Variants in MRE11 observed in about 807,000 individuals in gnomAD.
MRE11 encodes MRE11 double strand break repair nuclease.
MRE11 carries 62 observed loss-of-function variants against 91.7 expected under a neutral mutation model. The observed-to-expected ratio is 0.68, with a 90% CI of 0.55 to 0.84. MRE11 has a LOEUF of 0.84. Among genes scored for constraint, MRE11 ranks in the 40% least tolerant of loss-of-function variants. The pLI is 0.00. For missense variants in MRE11, 796 were observed against 852.9 expected, an observed-to-expected ratio of 0.93 and a Z score of 0.83; for synonymous variants, 273 against 271.4, an observed-to-expected ratio of 1.01 and a Z score of -0.06.
chr11:94,459,466 G>T lies in MRE11; in HGVS notation c.1442C>A (p.Thr481Lys), dbSNP rs137852762. 3.7e-6 allele frequency: 6 copies of T among 1,613,976 alleles called. No homozygotes were observed. The highest frequency in any genetic ancestry group is 1.1e-5 in the South Asian group (1 of 91,084). Residue 481 changes from threonine (T) to lysine (K), a missense_variant, in exon 13 of 20, where the codon ACA becomes AAA. Physicochemically the swap from Thr to Lys is moderately conservative, Grantham distance 78 (BLOSUM62 -1). Transcript: ENST00000323929. ...ATGACGTTCTTTAAGAAATCGCTGT[G>T]TTTTTTCCAACTGGTATTTCACTAA... ...EELVKYQLEKTQRFLKERHID... is the reference protein window; with the variant it reads ...EELVKYQLEKKQRFLKERHID...
Position 94,416,918 on chromosome 11 carries a change from T to A in MRE11, c.*3207A>T, listed in dbSNP as rs7943252. On this transcript the variant is annotated 3_prime_UTR_variant, in exon 20 of 20. Coordinates refer to ENST00000323929, the MANE Select transcript of MRE11 (RefSeq NM_005591.4). ...ACAGATACAAAAAGGACATCAGATT[T>A]CTTTGGGGGAAAGTCGCTTTTAAAT... 150,267 of 151,320 alleles carry A rather than the reference T, an allele frequency of 0.99. 74,607 individuals are homozygous for A. The highest frequency in any genetic ancestry group is 1 in the Middle Eastern group (288 of 288). The allele number at this position is 151,320 out of a possible 1,614,324, so 9.4% of individuals were successfully genotyped here.
At chr11:94,461,222 G>A (rs1169153800) in intron 11 of MRE11, among the ~76,000 whole-genome samples, 186 bp from the exon 12 acceptor site, 1 of 152,178 alleles carries the variant, frequency 6.6e-6, no homozygotes, top group Non-Finnish European at 1.5e-5. Context: ...CCCACAGTCA[G>A]TATTTCTCGT....
chr11:94,472,007 G>A (rs1946729666), intron 7 of MRE11, among the ~76,000 whole-genome samples: 1 of 151,986 alleles, frequency 6.6e-6, no homozygotes, highest in Non-Finnish European at 1.5e-5. Context: ...TCTATATTTG[G>A]AGGAAGATCA....
chr11:94,442,058 A>AGTCATGTG (rs1945796231), intron 16 of MRE11, among the ~76,000 whole-genome samples: 1 of 151,750 alleles, frequency 6.6e-6, no homozygotes, highest in South Asian at 2.1e-4. Flanking sequence ...AAAATACAAG[A>AGTCATGTG]GTCATGTGAG....
chr11:94,487,201 T>A (rs543154679), intron 3 of MRE11, among the ~76,000 whole-genome samples: 3 of 152,100 alleles, frequency 2.0e-5, no homozygotes, highest in Admixed American at 6.5e-5. Context: ...AATATGAACA[T>A]ATTTAACACT....
chr11:94,503,583 G>A, the MRE11 span, among the ~76,000 whole-genome samples: 3 of 151,918 alleles, frequency 2.0e-5, no homozygotes, highest in East Asian at 1.9e-4. Context: ...CTAGCTACTC[G>A]GGAGGCTGAG....
At chr11:94,503,109 A>G in the MRE11 span, among the ~76,000 whole-genome samples, 1 of 152,168 alleles carries the variant, frequency 6.6e-6, no homozygotes, top group Non-Finnish European at 1.5e-5. Context: ...TTTTTTATCT[A>G]TAGGCACAAC....
At chr11:94,501,586 T>C in the MRE11 span, among the ~76,000 whole-genome samples, 7 of 152,136 alleles carry the variant, frequency 4.6e-5, no homozygotes, top group South Asian at 1.4e-3. Context: ...CTGGATTTAG[T>C]CACATTTCAA....
intron 9 of MRE11, among the ~76,000 whole-genome samples, chr11:94,469,788 T>C (rs1260442776): frequency 6.6e-6 from 1 of 152,192 alleles, no homozygotes; most frequent in South Asian, 2.1e-4. Context: ...ATAATTATTA[T>C]CATTGTTACT....
intron 16 of MRE11, among the ~76,000 whole-genome samples, chr11:94,440,097 C>A (rs760195315): frequency 6.6e-6 from 1 of 152,206 alleles, no homozygotes; most frequent in Non-Finnish European, 1.5e-5. Flanking sequence ...CCAGAGCCTG[C>A]ATTCTTAACC....
At chr11:94,492,138 C>CT (rs950941745) in intron 2 of MRE11, among the ~76,000 whole-genome samples, 35 of 148,180 alleles carry the variant, frequency 2.4e-4, no homozygotes, top group African/African-American at 4.7e-4. Context: ...TCCCACATAA[C>CT]TTTTTTTTTT....
At chr11:94,463,771 G>A (rs907901194) in intron 11 of MRE11, among the ~76,000 whole-genome samples, 2 of 150,628 alleles carry the variant, frequency 1.3e-5, no homozygotes, top group African/African-American at 4.9e-5. Context: ...TCACACACCG[G>A]GGCCTGTCAT....
intron 12 of MRE11, among the ~76,000 whole-genome samples, chr11:94,460,620 G>C (rs1946389440): frequency 6.6e-6 from 1 of 152,142 alleles, no homozygotes; most frequent in Non-Finnish European, 1.5e-5. Flanking sequence ...TTACTTCTAA[G>C]TTTCACTTAA....
chr11:94,422,428 A>T (rs1222281629), intron 19 of MRE11, among the ~76,000 whole-genome samples: 4 of 152,114 alleles, frequency 2.6e-5, no homozygotes, highest in Admixed American at 2.0e-4. Flanking sequence ...TCTACATGAC[A>T]CATGTAGAGC....
At position 94,470,574 on chromosome 11, in the gene MRE11, C is replaced by T. The variant is rs752483206; in HGVS notation, c.914G>A (p.Arg305Gln). The T allele has an allele frequency of 6.2e-6, 10 of 1,613,176 alleles. No homozygotes were observed. The highest frequency in any genetic ancestry group is 2.2e-5 in the East Asian group (1 of 44,820). The change falls in exon 9 of 20, where the codon CGG becomes CAG. Residue 305 changes from arginine (R) to glutamine (Q), a missense_variant. Transcript: ENST00000323929. The stretch of plus-strand genomic sequence containing the variant: ...AACAATATCCTCCATGAAAAACTGC[C>T]GCACTGTGTGAAGAGGAATTTTATG... ...NMHKIPLHTVRQFFMEDIVLA... is the reference protein window; with the variant it reads ...NMHKIPLHTVQQFFMEDIVLA...
chr11:94,448,411 C>A (rs1946004045), intron 14 of MRE11, among the ~76,000 whole-genome samples: 1 of 150,650 alleles, frequency 6.6e-6, no homozygotes, highest in Admixed American at 6.6e-5. Context: ...ACCCTGCCTC[C>A]ACCAAAAATA....
intron 19 of MRE11, 28 bp from the exon 20 acceptor site, chr11:94,420,209 G>A (rs1414046511): frequency 1.3e-6 from 2 of 1,554,996 alleles, no homozygotes; most frequent in Non-Finnish European, 1.8e-6. Flanking sequence ...TGTTGTATTA[G>A]TGATTGTTCC....
intron 13 of MRE11, among the ~76,000 whole-genome samples, chr11:94,456,719 C>A (rs896025436): frequency 6.6e-6 from 1 of 152,142 alleles, no homozygotes; most frequent in South Asian, 2.1e-4. Flanking sequence ...CTCTTGTGCA[C>A]CTTGCTGCAA....
chr11:94,470,791 A>C, intron 8 of MRE11, 149 bp from the exon 9 acceptor site: 1 of 878,298 alleles, frequency 1.1e-6, no homozygotes, highest in South Asian at 1.5e-5. Flanking sequence ...ATTTAACCTT[A>C]ATGTTATCAT....
Sources: gnomAD v4.1 joint callset for allele counts (sites outside exome capture counted in the v4.1 genomes callset) on GRCh38, gnomAD v4.1.1 for gene constraint, MANE v1.5 for transcripts, NCBI Gene and HGNC (gene_info 2026-07-23, HGNC 2026-07-21) for gene names.